Variants in ATR observed in about 807,000 individuals in gnomAD.
The protein encoded by ATR is serine/threonine-protein kinase ATR.
A neutral mutation model predicts 305.3 loss-of-function variants in ATR; 142 were observed. The ratio of observed to expected loss-of-function variants is 0.47; its 90% confidence interval spans 0.41 to 0.53. ATR has a LOEUF of 0.53. Ranked by LOEUF, ATR falls within the 20% of genes least tolerant of loss-of-function variation. The pLI is 0.00. For synonymous variants in ATR, 1,050 were observed against 1,068.1 expected (o/e 0.98, Z 0.33); for missense variants, 2,135 against 3,133.1 (o/e 0.68, Z 7.60).
intron 16 of ATR, among the ~76,000 whole-genome samples, chr3:142,545,804 T>G (rs1400044627): frequency 2.6e-5 from 4 of 152,116 alleles, no homozygotes; most frequent in African/African-American, 9.7e-5. Flanking sequence ...AATGGAGGGC[T>G]CACGAATGCT....
chr3:142,456,209 T>TA (rs2070902140), intron 45 of ATR, among the ~76,000 whole-genome samples: 1 of 151,590 alleles, frequency 6.6e-6, no homozygotes, highest in Admixed American at 6.6e-5. Flanking sequence ...TTGCAGTGAG[T>TA]GGAGATCACG....
rs2071166513 is a variant in ATR, at chr3:142,467,882, A to G, written c.6687+52T>C. 3.8e-6 allele frequency: 6 copies of G among 1,595,992 alleles called. No homozygotes were observed. The Admixed American group carries it at 8.5e-5, about 23-fold the overall frequency. The stretch of plus-strand genomic sequence containing the variant: ...TCAAATGAAAAAATCTGCTCAAATT[A>G]TATACATAATTACCCAACATCAGTT... On this transcript the variant is annotated intron_variant, in intron 39 of 46. Transcript: ENST00000350721.
At position 142,555,991 on chromosome 3, in the gene ATR, T is replaced by C. The variant is rs144835955; in HGVS notation, c.2227A>G (p.Arg743Gly). 3.7e-6 allele frequency: 6 copies of C among 1,614,002 alleles called. No individual in the cohort carries two copies. The African/African-American group carries it at 8.0e-5, about 22-fold the overall frequency. ...SEHGHVDLFC[R>G]NLKATSQHEC... ...TGTTGAGAAGTGGCTTTCAAGTTCC[T>C]ACAGAAGAGGTCCACATGTCCGTGT... Residue 743 changes from arginine (R) to glycine (G), a missense_variant, in exon 10 of 47, where the codon AGG (arginine) becomes GGG (glycine). Around this residue, in one of 9 missense-constraint regions of ATR, gnomAD observed 744 missense variants for 873.2 expected, o/e 0.85. Transcript: ENST00000350721.
intron 21 of ATR, among the ~76,000 whole-genome samples, chr3:142,530,159 T>C (rs2033581842): frequency 6.6e-6 from 1 of 152,126 alleles, no homozygotes; most frequent in Non-Finnish European, 1.5e-5. Context: ...TTTTTATACC[T>C]TTATTCAATG....
chr3:142,469,904 A>G (rs2071220661), intron 37 of ATR, among the ~76,000 whole-genome samples, 182 bp downstream of exon 37: 2 of 152,166 alleles, frequency 1.3e-5, no homozygotes, highest in Non-Finnish European at 2.9e-5. Context: ...AATTAAAACT[A>G]CTTTAAAAGT....
At chr3:142,481,003 TGAAAAGGAATTC>T (rs2030412336) in intron 36 of ATR, among the ~76,000 whole-genome samples, 1 of 152,226 alleles carries the variant, frequency 6.6e-6, no homozygotes, top group Admixed American at 6.5e-5. Flanking sequence ...TGCTTGGCTA[TGAAAAGGAATTC>T]CCTGACCCCT....
chr3:142,534,262 C>T (rs1413577265), intron 21 of ATR, among the ~76,000 whole-genome samples: 2 of 152,076 alleles, frequency 1.3e-5, no homozygotes, highest in Admixed American at 6.5e-5. Flanking sequence ...GAAGGCACAA[C>T]ACTTAACCTA....
chr3:142,459,441 T>C (rs1166468653), intron 42 of ATR, 58 bp from the exon 43 acceptor site: 14 of 1,582,154 alleles, frequency 8.8e-6, no homozygotes, highest in Non-Finnish European at 1.2e-5. Flanking sequence ...AGGGGCAAAG[T>C]TTTTTTTGTT....
At position 142,556,251 on chromosome 3, in the gene ATR, A is replaced by T. The variant is rs2034668148; in HGVS notation, c.2079-112T>A. On this transcript the variant is annotated intron_variant, in intron 9 of 46. Coordinates refer to ENST00000350721, the MANE Select transcript of ATR (RefSeq NM_001184.4). ...GTAAAACAAAGCCTAGAAGGAAAAA[A>T]TGTTAAATTCTAAAACTAAAAGCAA... is the stretch of plus-strand genomic sequence containing the variant. The T allele has an allele frequency of 4.7e-6, 7 of 1,502,280 alleles. No individual in the cohort carries two copies. In the South Asian group the frequency reaches 8.6e-5, roughly 18 times the overall value. The allele number at this position is 1,502,280 out of a possible 1,614,324, so 93.1% of individuals were successfully genotyped here.
At chr3:142,511,995 G>A (rs1177934556) in intron 27 of ATR, among the ~76,000 whole-genome samples, 2 of 151,808 alleles carry the variant, frequency 1.3e-5, no homozygotes, top group African/African-American at 2.4e-5. Flanking sequence ...GTGGGCACCT[G>A]TAATCCCAAC....
chr3:142,538,712 G>T, intron 18 of ATR, 87 bp from the exon 19 acceptor site: 2 of 1,496,090 alleles, frequency 1.3e-6, no homozygotes, highest in South Asian at 1.2e-5. Flanking sequence ...GAAGACACAT[G>T]ATATATACAA....
At chr3:142,529,440 T>C (rs1445568582) in intron 21 of ATR, among the ~76,000 whole-genome samples, 1 of 152,210 alleles carries the variant, frequency 6.6e-6, no homozygotes, top group East Asian at 1.9e-4. Context: ...TTCTAGTTTA[T>C]TAGAATATAA....
chr3:142,462,320 AATT>A (rs2071037545), intron 41 of ATR, among the ~76,000 whole-genome samples: 1 of 152,148 alleles, frequency 6.6e-6, no homozygotes, highest in South Asian at 2.1e-4. Flanking sequence ...CCTTCTTTTT[AATT>A]ATTCACTATT....
At chr3:142,459,910 A>C (rs1271068425) in intron 42 of ATR, among the ~76,000 whole-genome samples, 1 of 152,182 alleles carries the variant, frequency 6.6e-6, no homozygotes, top group Non-Finnish European at 1.5e-5. Context: ...CTCAAAATTA[A>C]GTCCCATATG....
At position 142,524,180 on chromosome 3, in the gene ATR, G is replaced by T. The variant is rs75450693; in HGVS notation, c.3965C>A (p.Ala1322Glu). 16 of 1,613,284 alleles carry T rather than the reference G, an allele frequency of 9.9e-6. No homozygotes were observed. Among genetic ancestry groups the T allele is most frequent in the Non-Finnish European group, 1.4e-5 (16 of 1,179,486 alleles). Residue 1322 changes from alanine to glutamate, a missense_variant, in exon 22 of 47, where the codon GCA (alanine) becomes GAA (glutamate). By Grantham distance (107) the Ala-to-Glu change is moderately radical. This residue lies in a region of ATR where 530 missense variants were observed against 766.8 expected (regional missense o/e 0.69). Transcript: ENST00000350721. ...AGGTTCTACTGTTTCACTGTCTGTT[G>T]CATACTTTATCAGTTTTTCCTAAAA... ...YKNQEKLIKY[A>E]TDSETVEPII...
chr3:142,568,618 C>T (rs1021897997), intron 1 of ATR, among the ~76,000 whole-genome samples: 1 of 152,196 alleles, frequency 6.6e-6, no homozygotes, highest in African/African-American at 2.4e-5. Flanking sequence ...GGAGCCCAGC[C>T]ATCCTGGGTG....
At chr3:142,498,458 G>A in intron 32 of ATR, 139 bp downstream of exon 32, 2 of 761,188 alleles carry the variant, frequency 2.6e-6, no homozygotes, top group South Asian at 3.5e-5. Flanking sequence ...TGATTGTGAG[G>A]TAAAAAGAAT....
At chr3:142,526,332 G>A (rs150597504) in intron 21 of ATR, among the ~76,000 whole-genome samples, 2 of 152,134 alleles carry the variant, frequency 1.3e-5, no homozygotes, top group East Asian at 1.9e-4. Flanking sequence ...TTATGTCTCT[G>A]ATTATCATAT....
intron 36 of ATR, among the ~76,000 whole-genome samples, chr3:142,474,933 T>C (rs6792428): frequency 0.04 from 6,097 of 152,188 alleles, 406 homozygotes; most frequent in African/African-American, 0.14. Flanking sequence ...GTTTGTTTTT[T>C]TTTAAAAAGC....
Sources: allele counts gnomAD v4.1 joint callset (sites outside exome capture counted in the v4.1 genomes callset), GRCh38; gene constraint gnomAD v4.1.1; regional missense constraint gnomAD v4.1.1; transcripts MANE v1.5; gene names NCBI Gene and HGNC (gene_info 2026-07-23, HGNC 2026-07-21).